CTNNA2: variants seen among roughly 807,000 people sequenced by gnomAD.
CTNNA2 encodes catenin alpha 2.
In CTNNA2, 42 loss-of-function variants were observed where a neutral mutation model predicts 101.0. The observed-to-expected ratio is 0.42, with a 90% CI of 0.32 to 0.54. CTNNA2 has a LOEUF of 0.54. Ranked by LOEUF, CTNNA2 falls within the 20% of genes least tolerant of loss-of-function variation. The probability of loss-of-function intolerance (pLI) is 0.14; values close to 1 mark genes in which losing one functional copy is unlikely to be tolerated. For synonymous variants in CTNNA2, 450 were observed against 456.4 expected (o/e 0.99, Z 0.18); for missense variants, 871 against 1,223.1 (o/e 0.71, Z 4.29).
chr2:80,290,251 C>A (rs900438755), intron 7 of CTNNA2, among the ~76,000 whole-genome samples: 1 of 152,088 alleles, frequency 6.6e-6, no homozygotes, highest in Non-Finnish European at 1.5e-5. Flanking sequence ...CATCATGAGG[C>A]CTCCAAATAA....
chr2:79,514,109 G>A (rs1671678751), intron 1 of CTNNA2, among the ~76,000 whole-genome samples: 1 of 152,176 alleles, frequency 6.6e-6, no homozygotes, highest in South Asian at 2.1e-4. Flanking sequence ...AAACTTTAAT[G>A]CCTGTGCACC....
At chr2:80,546,933 G>T (rs537124176) in intron 11 of CTNNA2, among the ~76,000 whole-genome samples, 1 of 152,202 alleles carries the variant, frequency 6.6e-6, no homozygotes, top group Non-Finnish European at 1.5e-5. Flanking sequence ...CTACACAGGT[G>T]TGTGGAACTC....
chr2:79,468,868 G>C (rs966358968), intron 4 of CTNNA2, among the ~76,000 whole-genome samples: 4 of 152,094 alleles, frequency 2.6e-5, no homozygotes, highest in African/African-American at 7.2e-5. Flanking sequence ...TCTCTGGGAC[G>C]CATTGAAAGC....
At chr2:79,615,429 T>C (rs1417876434) in intron 1 of CTNNA2, among the ~76,000 whole-genome samples, 1 of 152,234 alleles carries the variant, frequency 6.6e-6, no homozygotes, top group Non-Finnish European at 1.5e-5. Context: ...AATAGCTGTC[T>C]TGCTTTAACT....
chr2:80,069,541 AAAG>A (rs1325918844), intron 7 of CTNNA2, among the ~76,000 whole-genome samples: 1 of 152,214 alleles, frequency 6.6e-6, no homozygotes, highest in African/African-American at 2.4e-5. Context: ...CTTCCCCAAA[AAAG>A]AAGGTGAAAT....
At chr2:79,892,786 T>C (rs1380238344) in intron 6 of CTNNA2, among the ~76,000 whole-genome samples, 2 of 152,236 alleles carry the variant, frequency 1.3e-5, no homozygotes, top group East Asian at 1.9e-4. Flanking sequence ...AGTATCACTT[T>C]CATAATATTG....
At chr2:80,227,459 G>A (rs1365056122) in intron 7 of CTNNA2, among the ~76,000 whole-genome samples, 1 of 152,152 alleles carries the variant, frequency 6.6e-6, no homozygotes, top group South Asian at 2.1e-4. Flanking sequence ...TTTGTCTCAC[G>A]TTACAATCCA....
At chr2:79,865,372 A>G (rs896275313) in intron 4 of CTNNA2, among the ~76,000 whole-genome samples, 2 of 152,216 alleles carry the variant, frequency 1.3e-5, no homozygotes, top group African/African-American at 4.8e-5. Context: ...CCTATTTCCA[A>G]GATAGTTATT....
At chr2:79,190,753 G>C (rs919487171) in intron 1 of CTNNA2, among the ~76,000 whole-genome samples, 6 of 152,156 alleles carry the variant, frequency 3.9e-5, no homozygotes, top group African/African-American at 1.4e-4. Flanking sequence ...AAAATAGTAA[G>C]TTCCCTGAAT....
intron 9 of CTNNA2, among the ~76,000 whole-genome samples, chr2:80,426,045 G>C (rs1251265754): frequency 6.6e-6 from 1 of 152,152 alleles, no homozygotes; most frequent in African/African-American, 2.4e-5. Context: ...ATGATGTAAA[G>C]TCACTATAGG....
chr2:80,011,995 C>G (rs1693823237), intron 7 of CTNNA2, among the ~76,000 whole-genome samples: 2 of 152,120 alleles, frequency 1.3e-5, no homozygotes, highest in African/African-American at 4.8e-5. Context: ...CTTCTGATTA[C>G]TGGGGCGATA....
intron 1 of CTNNA2, among the ~76,000 whole-genome samples, chr2:79,538,136 A>C (rs1673183836): frequency 6.6e-6 from 1 of 152,220 alleles, no homozygotes; most frequent in Admixed American, 6.5e-5. Context: ...GATAAAACAC[A>C]AACTCAAACT....
intron 7 of CTNNA2, among the ~76,000 whole-genome samples, chr2:79,920,394 G>C (rs1472943211): frequency 2.0e-5 from 3 of 152,106 alleles, no homozygotes; most frequent in Admixed American, 2.0e-4. Flanking sequence ...GTTATCATCT[G>C]CTCCTCTGTT....
intron 7 of CTNNA2, among the ~76,000 whole-genome samples, chr2:80,103,351 G>A (rs1313408043): frequency 6.6e-6 from 1 of 151,962 alleles, no homozygotes; most frequent in Non-Finnish European, 1.5e-5. Flanking sequence ...ATAGAATTCT[G>A]GTGTCTCTTA....
chr2:79,369,846 G>A (rs964400883), intron 3 of CTNNA2, among the ~76,000 whole-genome samples: 2 of 152,094 alleles, frequency 1.3e-5, no homozygotes, highest in African/African-American at 4.8e-5. Flanking sequence ...ACACCTCTGG[G>A]ATCACTTCAG....
At chr2:79,487,013 T>G (rs938687419) in intron 4 of CTNNA2, among the ~76,000 whole-genome samples, 1 of 152,246 alleles carries the variant, frequency 6.6e-6, no homozygotes, top group African/African-American at 2.4e-5. Context: ...ATAGAAGTTC[T>G]GCTCAATTAT....
chr2:79,495,324 T>C (rs1226726166), intron 4 of CTNNA2, among the ~76,000 whole-genome samples: 1 of 152,218 alleles, frequency 6.6e-6, no homozygotes, highest in Non-Finnish European at 1.5e-5. Flanking sequence ...TGAATAAATG[T>C]ATTTTTAAAG....
chr2:80,128,199 T>C (rs1202816007), intron 7 of CTNNA2, among the ~76,000 whole-genome samples: 1 of 152,152 alleles, frequency 6.6e-6, no homozygotes, highest in Admixed American at 6.5e-5. Flanking sequence ...TTTTTGACAA[T>C]GCAAAGGCCA....
intron 2 of CTNNA2, among the ~76,000 whole-genome samples, chr2:79,294,609 G>A (rs991729586): frequency 1.3e-5 from 2 of 152,036 alleles, no homozygotes; most frequent in Admixed American, 1.3e-4. Context: ...TAGAGACTTT[G>A]GGTTAAAATA....
Sources: gnomAD v4.1 joint callset for allele counts (sites outside exome capture counted in the v4.1 genomes callset) on GRCh38, gnomAD v4.1.1 for gene constraint, MANE v1.5 for transcripts, NCBI Gene and HGNC (gene_info 2026-07-23, HGNC 2026-07-21) for gene names.